EFNB2: variants seen among roughly 807,000 people sequenced by gnomAD.
EFNB2 encodes ephrin B2, also known as ephrin-B2.
EFNB2 carries 5 observed loss-of-function variants against 32.1 expected under a neutral mutation model. The observed-to-expected ratio is 0.16, with a 90% CI of 0.08 to 0.33. The LOEUF is 0.33. Among genes scored for constraint, EFNB2 ranks in the 10% least tolerant of loss-of-function variants. The pLI, the probability that EFNB2 is intolerant of heterozygous loss-of-function variation, is 1.00. For synonymous variants in EFNB2, 168 were observed against 166.5 expected (o/e 1.01, Z -0.07); for missense variants, 263 against 422.6 (o/e 0.62, Z 3.31).
chr13:106,504,313 C>T (rs990720044), intron 2 of EFNB2, among the ~76,000 whole-genome samples: 1 of 152,198 alleles, frequency 6.6e-6, no homozygotes, highest in African/African-American at 2.4e-5. Context: ...GAGTTCATCT[C>T]TAGGCGGTGG....
At chr13:106,503,448 A>G (rs1214617857) in intron 2 of EFNB2, among the ~76,000 whole-genome samples, 4 of 152,158 alleles carry the variant, frequency 2.6e-5, no homozygotes, top group Admixed American at 2.6e-4. Context: ...GAGCTAGGGA[A>G]TCCGGGAGTG....
chr13:106,497,027 T>C (rs1878612985), intron 2 of EFNB2, among the ~76,000 whole-genome samples: 1 of 152,244 alleles, frequency 6.6e-6, no homozygotes, highest in Non-Finnish European at 1.5e-5. Context: ...AAGGATTGAT[T>C]TTCTGGTAAA....
At chr13:106,520,565 G>A (rs950986921) in intron 1 of EFNB2, 1 of 152,206 alleles carries the variant, frequency 6.6e-6, no homozygotes, top group African/African-American at 2.4e-5. Context: ...TCTGCATCAT[G>A]AGCATGTGAA....
chr13:106,501,712 C>G (rs1343471937), intron 2 of EFNB2, among the ~76,000 whole-genome samples: 4 of 151,974 alleles, frequency 2.6e-5, no homozygotes, highest in African/African-American at 9.7e-5. Flanking sequence ...CCTGCCTCAG[C>G]CTCCCGAGTA....
At chr13:106,506,836 T>C (rs1878967921) in intron 2 of EFNB2, 1 of 152,204 alleles carries the variant, frequency 6.6e-6, no homozygotes, top group Non-Finnish European at 1.5e-5. Flanking sequence ...GTGCTGTCAT[T>C]ATCCCCACTT....
chr13:106,523,410 T>C (rs1323953467), intron 1 of EFNB2, among the ~76,000 whole-genome samples: 2 of 152,036 alleles, frequency 1.3e-5, no homozygotes, highest in Admixed American at 1.3e-4. Flanking sequence ...AAAAACACCC[T>C]AGAAGTTAAA....
rs1183426154 is a variant in EFNB2, at chr13:106,489,986, A to G, written c.*3054T>C. ...GAAATTTTAAATAAATATTCATGGTACATAATTACGGCACAAATATGCAGC... is the reference window on the plus strand; with the variant it reads ...GAAATTTTAAATAAATATTCATGGTGCATAATTACGGCACAAATATGCAGC... On this transcript the variant is annotated 3_prime_UTR_variant, in exon 5 of 5. Transcript: ENST00000646441. The G allele has an allele frequency of 1.3e-5, 2 of 152,660 alleles. No homozygotes were observed. Among genetic ancestry groups the G allele is most frequent in the African/African-American group, 4.8e-5 (2 of 41,464 alleles). The allele number at this position is 152,660 out of a possible 1,614,324, so 9.5% of individuals were successfully genotyped here. A position where few individuals can be genotyped will look rare whatever the true frequency, so the allele number is the denominator to read the frequency against.
At chr13:106,495,475 C>CTATCTATCTATCTATCTATCTAT (rs1878555818) in intron 3 of EFNB2, among the ~76,000 whole-genome samples, 1 of 142,474 alleles carries the variant, frequency 7.0e-6, no homozygotes, top group Admixed American at 7.3e-5. Context: ...AAAGAAATAT[C>CTATCTATCTATCTATCTATCTAT]TATCTATCTA....
chr13:106,528,290 T>C (rs917582133), intron 1 of EFNB2, among the ~76,000 whole-genome samples: 2 of 152,042 alleles, frequency 1.3e-5, no homozygotes, highest in Admixed American at 6.5e-5. Context: ...GTAATTCCCA[T>C]AGAAACGAGA....
At chr13:106,504,497 C>T (rs927023986) in intron 2 of EFNB2, among the ~76,000 whole-genome samples, 5 of 152,164 alleles carry the variant, frequency 3.3e-5, no homozygotes, top group African/African-American at 1.2e-4. Context: ...CAATAAGGTG[C>T]CCCTATCTAA....
intron 1 of EFNB2, among the ~76,000 whole-genome samples, chr13:106,527,960 T>C (rs983686044): frequency 6.6e-6 from 1 of 152,212 alleles, no homozygotes; most frequent in Non-Finnish European, 1.5e-5. Flanking sequence ...CAGTCTGCGT[T>C]TGAAAAGCTG....
rs1404210275 is a variant in EFNB2, at chr13:106,491,919, T to A, written c.*1121A>T. On this transcript the variant is annotated 3_prime_UTR_variant, in exon 5 of 5. Coordinates refer to ENST00000646441, the MANE Select transcript of EFNB2 (RefSeq NM_004093.4). ...AAATGTGATAAGTATAGCAGCTGAG[T>A]CTGCTTAAAAAATCATCCAAAGCAG... 2.0e-5 allele frequency: 3 copies of A among 152,600 alleles called. No individual in the cohort carries two copies. In the East Asian group the frequency reaches 5.8e-4, roughly 29 times the overall value. The allele number at this position is 152,600 out of a possible 1,614,324, so 9.5% of individuals were successfully genotyped here.
At chr13:106,497,774 G>A (rs1878640440) in intron 2 of EFNB2, among the ~76,000 whole-genome samples, 1 of 151,890 alleles carries the variant, frequency 6.6e-6, no homozygotes, top group African/African-American at 2.4e-5. Flanking sequence ...CTCCAAATAT[G>A]TGACTAAATT....
At chr13:106,510,774 G>A (rs1879117878) in intron 2 of EFNB2, among the ~76,000 whole-genome samples, 1 of 151,062 alleles carries the variant, frequency 6.6e-6, no homozygotes. Context: ...AGTACTTTGG[G>A]AGGCCAAGGC....
chr13:106,525,424 A>G (rs1486524617), intron 1 of EFNB2, among the ~76,000 whole-genome samples: 1 of 152,236 alleles, frequency 6.6e-6, no homozygotes, highest in Non-Finnish European at 1.5e-5. Context: ...TCACGTGAAC[A>G]GGTAGCTGAA....
chr13:106,501,193 GAAGAA>G (rs758376649), intron 2 of EFNB2, among the ~76,000 whole-genome samples: 71 of 152,254 alleles, frequency 4.7e-4, no homozygotes, highest in Admixed American at 4.2e-3. Context: ...TGCTAACTTA[GAAGAA>G]AAGTTCTAAA....
chr13:106,503,465 G>A (rs1013960960), intron 2 of EFNB2, among the ~76,000 whole-genome samples: 4 of 152,176 alleles, frequency 2.6e-5, no homozygotes, highest in African/African-American at 4.8e-5. Flanking sequence ...AGTGGCCAAT[G>A]TGGAGAGTCA....
At chr13:106,517,589 A>G (rs1008762207) in intron 1 of EFNB2, 12 of 152,220 alleles carry the variant, frequency 7.9e-5, no homozygotes, top group Admixed American at 7.2e-4. Flanking sequence ...TTCCCAGGCC[A>G]TGGCGTGTGG....
At position 106,491,668 on chromosome 13, in the gene EFNB2, C is replaced by A. The variant is rs1878410038; in HGVS notation, c.*1372G>T. On this transcript the variant is annotated 3_prime_UTR_variant, in exon 5 of 5. Transcript: ENST00000646441. ...GCCTCCATCAGTACCGACCCTGCAG[C>A]CCTGGCACCCGGACAGCACCGCATA... 1 of 152,598 alleles carries A rather than the reference C, an allele frequency of 6.6e-6. No homozygotes were observed. Among genetic ancestry groups the A allele is most frequent in the Non-Finnish European group, 1.5e-5 (1 of 68,122 alleles). The allele number at this position is 152,598 out of a possible 1,614,324, so 9.5% of individuals were successfully genotyped here.
Sources: allele counts gnomAD v4.1 joint callset (sites outside exome capture counted in the v4.1 genomes callset), GRCh38; gene constraint gnomAD v4.1.1; transcripts MANE v1.5; gene names NCBI Gene and HGNC (gene_info 2026-07-23, HGNC 2026-07-21).